Variants in ST8SIA5 observed in about 807,000 individuals in gnomAD.
ST8SIA5 encodes ST8 alpha-N-acetyl-neuraminide alpha-2,8-sialyltransferase 5.
In ST8SIA5, 24 loss-of-function variants were observed where a neutral mutation model predicts 40.2. The observed-to-expected ratio is 0.60, with a 90% CI of 0.43 to 0.84. The LOEUF (loss-of-function observed/expected upper bound fraction) is 0.84. Among genes scored for constraint, ST8SIA5 ranks in the 40% least tolerant of loss-of-function variants. The probability of loss-of-function intolerance (pLI) is 0.00; values close to 1 mark genes in which losing one functional copy is unlikely to be tolerated. For missense variants in ST8SIA5, 465 were observed against 498.5 expected (o/e 0.93, Z 0.64); for synonymous variants, 198 against 201.8 (o/e 0.98, Z 0.16).
chr18:46,682,064 C>T lies in ST8SIA5; in HGVS notation c.570G>A (p.Arg190=), dbSNP rs200910660. Residue 190 remains arginine (R), a splice_region_variant and synonymous_variant, in exon 6 of 7, where the codon CGG becomes CGA. Coordinates refer to ENST00000315087, the MANE Select transcript of ST8SIA5 (RefSeq NM_013305.6). The stretch of plus-strand genomic sequence containing the variant: ...TCTCTGAGATGGGGGGCAGGTTGCA[C>T]CTGCAGAAGAGAAAAGGCAGCCCAA... ...REINSADFVF[R]CNLPPISEKY... is the part of the protein sequence containing the mutation. The T allele has an allele frequency of 5.4e-5, 86 of 1,605,026 alleles. No homozygotes were observed. The highest frequency in any genetic ancestry group is 1.6e-4 in the African/African-American group (12 of 74,632).
chr18:46,717,881 A>G (rs2039808564), intron 1 of ST8SIA5, among the ~76,000 whole-genome samples: 1 of 152,048 alleles, frequency 6.6e-6, no homozygotes, highest in Non-Finnish European at 1.5e-5. Context: ...CACCTACTAC[A>G]TAACAGGTGC....
intron 1 of ST8SIA5, among the ~76,000 whole-genome samples, chr18:46,741,919 T>C (rs985906192): frequency 2.6e-5 from 4 of 151,790 alleles, no homozygotes; most frequent in African/African-American, 9.7e-5. Flanking sequence ...CTGAGCAACA[T>C]CGTGAAATCC....
At position 46,688,937 on chromosome 18, in the gene ST8SIA5, A is replaced by G; in HGVS notation, c.312-18T>C. 6.2e-7 allele frequency: 1 copy of G among 1,603,222 alleles called. No homozygotes were observed. On this transcript the variant is annotated intron_variant, in intron 3 of 6. Coordinates refer to ENST00000315087, the MANE Select transcript of ST8SIA5 (RefSeq NM_013305.6). ...GAGTAGACCTGCCAGGCAGGGAGAC[A>G]GGCAGGAAAGACGTGATGCAGGAAA...
rs560643735 is a variant in ST8SIA5, at chr18:46,667,986, A to C, written c.*12056T>G. On this transcript the variant is annotated 3_prime_UTR_variant, in exon 7 of 7. Coordinates refer to ENST00000315087, the MANE Select transcript of ST8SIA5 (RefSeq NM_013305.6). ...ACACAAGCTGGAATTATGCTACAGG[A>C]GTTTGTATAAACCACTGCTCCCAGA... 4 of 152,386 alleles carry C rather than the reference A, an allele frequency of 2.6e-5. No individual in the cohort carries two copies. Among genetic ancestry groups the C allele is most frequent in the African/African-American group, 9.6e-5 (4 of 41,578 alleles). The allele number at this position is 152,386 out of a possible 1,614,324, so 9.4% of individuals were successfully genotyped here. A position where few individuals can be genotyped will look rare whatever the true frequency, so the allele number is the denominator to read the frequency against.
At chr18:46,745,281 G>A (rs1442853603) in intron 1 of ST8SIA5, among the ~76,000 whole-genome samples, 2 of 152,026 alleles carry the variant, frequency 1.3e-5, no homozygotes, top group African/African-American at 2.4e-5. Context: ...CCAGGAGCTG[G>A]TTTTTTGAAA....
At chr18:46,710,383 C>CTT (rs1354075910) in intron 1 of ST8SIA5, among the ~76,000 whole-genome samples, 2 of 134,124 alleles carry the variant, frequency 1.5e-5, no homozygotes, top group Non-Finnish European at 3.1e-5. Context: ...TTCTTTCTTT[C>CTT]TTTCTTTCTT....
chr18:46,754,331 C>T (rs1460810917), intron 1 of ST8SIA5, among the ~76,000 whole-genome samples: 1 of 152,108 alleles, frequency 6.6e-6, no homozygotes, highest in Admixed American at 6.5e-5. Flanking sequence ...CCTTCAAGGC[C>T]CACTCAAGTT....
chr18:46,667,881 C>T lies in ST8SIA5; in HGVS notation c.*12161G>A, dbSNP rs910150495. ...ATTGAGGGCCGTTCAAACACAGTGA[C>T]AGATACAAAGTACCCTGATGATGTT... On this transcript the variant is annotated 3_prime_UTR_variant, in exon 7 of 7. Transcript: ENST00000315087. The T allele has an allele frequency of 2.6e-5, 4 of 152,214 alleles. No homozygotes were observed. Among genetic ancestry groups the T allele is most frequent in the South Asian group, 2.1e-4 (1 of 4,830 alleles). 9.4% of individuals were successfully genotyped at this position (152,214 alleles called of 1,614,324 possible).
chr18:46,734,159 T>A (rs1174423817), intron 1 of ST8SIA5, among the ~76,000 whole-genome samples: 1 of 152,022 alleles, frequency 6.6e-6, no homozygotes, highest in African/African-American at 2.4e-5. Context: ...ACGGGCGCAA[T>A]GACCAGGTTC....
chr18:46,727,500 G>A (rs2039942776), intron 1 of ST8SIA5, among the ~76,000 whole-genome samples: 1 of 152,200 alleles, frequency 6.6e-6, no homozygotes, highest in South Asian at 2.1e-4. Context: ...TTAAAAACAG[G>A]TGGAACTACC....
At chr18:46,737,277 CT>C (rs2040044262) in intron 1 of ST8SIA5, among the ~76,000 whole-genome samples, 2 of 152,278 alleles carry the variant, frequency 1.3e-5, no homozygotes, top group African/African-American at 4.8e-5. Flanking sequence ...CGCCCCATTG[CT>C]GTCTCCTCTG....
At position 46,670,884 on chromosome 18, in the gene ST8SIA5, G is replaced by A. The variant is rs2039305095; in HGVS notation, c.*9158C>T. ...TCTAGCACATGTCATCATTCTCTTA[G>A]TTTGCTTTGTCATTAGAAATCAGAA... is the stretch of plus-strand genomic sequence containing the variant. On this transcript the variant is annotated 3_prime_UTR_variant, in exon 7 of 7. Coordinates refer to ENST00000315087, the MANE Select transcript of ST8SIA5 (RefSeq NM_013305.6). 6.6e-6 allele frequency: 1 copy of A among 152,028 alleles called. No individual in the cohort carries two copies. The highest frequency in any genetic ancestry group is 2.4e-5 in the African/African-American group (1 of 41,376). The allele number at this position is 152,028 out of a possible 1,614,324, so 9.4% of individuals were successfully genotyped here. A position where few individuals can be genotyped will look rare whatever the true frequency, so the allele number is the denominator to read the frequency against.
intron 1 of ST8SIA5, among the ~76,000 whole-genome samples, chr18:46,710,298 G>T (rs1004663249): frequency 7.0e-4 from 106 of 151,916 alleles, no homozygotes; most frequent in African/African-American, 2.5e-3. Flanking sequence ...GCCCAGACTG[G>T]GCTCCAGCTC....
chr18:46,745,077 G>C (rs2040126008), intron 1 of ST8SIA5, among the ~76,000 whole-genome samples: 1 of 152,158 alleles, frequency 6.6e-6, no homozygotes, highest in Non-Finnish European at 1.5e-5. Context: ...TGTATAGAGG[G>C]AAATTTATAG....
chr18:46,704,643 C>T lies in ST8SIA5; in HGVS notation c.153G>A (p.Gly51=), dbSNP rs745497654. The change falls in exon 2 of 7, where the codon GGG becomes GGA. Residue 51 remains glycine, a synonymous_variant. Transcript: ENST00000315087. ...YIKRYFEFYE[G]PFEYNSTRCL... is the part of the protein sequence containing the mutation. ...ATCTTGTGGAGTTATATTCAAAAGG[C>T]CCCTCATAAAATTCAAAGTACCTGG... is the stretch of plus-strand genomic sequence containing the variant. 44 of 1,614,120 alleles carry T rather than the reference C, an allele frequency of 2.7e-5. No homozygotes were observed. The highest frequency in any genetic ancestry group is 3.6e-5 in the Non-Finnish European group (43 of 1,180,028).
At chr18:46,705,247 C>T (rs928777651) in intron 1 of ST8SIA5, among the ~76,000 whole-genome samples, 7 of 152,150 alleles carry the variant, frequency 4.6e-5, no homozygotes. Flanking sequence ...AGGGCTTGGT[C>T]TAGGTCTACT....
At chr18:46,744,639 A>G (rs1205132764) in intron 1 of ST8SIA5, among the ~76,000 whole-genome samples, 2 of 152,340 alleles carry the variant, frequency 1.3e-5, no homozygotes, top group African/African-American at 4.8e-5. Flanking sequence ...CCCCACTGTC[A>G]ATATTAGACA....
intron 1 of ST8SIA5, among the ~76,000 whole-genome samples, chr18:46,714,557 TC>T (rs2039766238): frequency 6.6e-6 from 1 of 152,142 alleles, no homozygotes; most frequent in South Asian, 2.1e-4. Context: ...ACCCAGCTGA[TC>T]CGGCCTCCTC....
At chr18:46,720,250 G>A (rs12956886) in intron 1 of ST8SIA5, among the ~76,000 whole-genome samples, 78,970 of 151,916 alleles carry the variant, frequency 0.52, 21,251 homozygotes, top group Non-Finnish European at 0.6. Flanking sequence ...AGGCAGGGCC[G>A]CTTAGCAGAC....
Sources: allele counts gnomAD v4.1 joint callset (sites outside exome capture counted in the v4.1 genomes callset), GRCh38; gene constraint gnomAD v4.1.1; transcripts MANE v1.5; gene names NCBI Gene and HGNC (gene_info 2026-07-23, HGNC 2026-07-21).